The following PRKG1 variants were observed in gnomAD, a reference collection of about 807,000 sequenced individuals.
The protein encoded by PRKG1 is protein kinase cGMP-dependent 1, also known as cGMP-dependent protein kinase 1.
In PRKG1, 35 loss-of-function variants were observed where a neutral mutation model predicts 88.1. The ratio of observed to expected loss-of-function variants is 0.40; its 90% CI spans 0.30 to 0.53. The LOEUF (loss-of-function observed/expected upper bound fraction) is 0.53. Among genes scored for constraint, PRKG1 ranks in the 20% least tolerant of loss-of-function variants. The pLI is 0.59. For synonymous variants in PRKG1, 303 were observed against 292.5 expected (o/e 1.04, Z -0.37); for missense variants, 540 against 839.8 (o/e 0.64, Z 4.41).
chr10:52,026,660 A>G (rs1296169659), intron 5 of PRKG1, among the ~76,000 whole-genome samples: 1 of 152,228 alleles, frequency 6.6e-6, no homozygotes, highest in East Asian at 1.9e-4. Context: ...CTGTTAAGAT[A>G]CTAAAAATCT....
intron 1 of PRKG1, among the ~76,000 whole-genome samples, chr10:51,047,559 A>C (rs1319627992): frequency 6.6e-6 from 1 of 151,730 alleles, no homozygotes; most frequent in Non-Finnish European, 1.5e-5. Context: ...TTTGAAAAAA[A>C]TTGAGTAGTA....
chr10:51,565,097 G>A (rs1477970519), intron 3 of PRKG1, among the ~76,000 whole-genome samples: 2 of 152,038 alleles, frequency 1.3e-5, no homozygotes, highest in Non-Finnish European at 2.9e-5. Flanking sequence ...TGCAAAATAA[G>A]CGTTGATAAT....
At chr10:51,158,741 A>G (rs1846281435) in intron 2 of PRKG1, among the ~76,000 whole-genome samples, 1 of 151,998 alleles carries the variant, frequency 6.6e-6, no homozygotes, top group South Asian at 2.1e-4. Flanking sequence ...AAATTCCACC[A>G]TGTACCTTGG....
chr10:52,054,533 A>G lies in PRKG1; in HGVS notation c.812A>G (p.Asp271Gly). The G allele has an allele frequency of 6.2e-7, 1 of 1,613,846 alleles. No homozygotes were observed. The highest frequency in any genetic ancestry group is 8.5e-7 in the Non-Finnish European group (1 of 1,179,904). Residue 271 changes from aspartate to glycine, a missense_variant, in exon 6 of 18, where the codon GAC (aspartate) becomes GGC (glycine). Coordinates refer to ENST00000373980, the MANE Select transcript of PRKG1 (RefSeq NM_006258.4). Reference sequence around the variant, plus strand: ...ATTATCAGGCAAGGTGCAAGAGGGGACACCTTCTTTATCATCAGCAAAGGA... The same window carrying G: ...ATTATCAGGCAAGGTGCAAGAGGGGGCACCTTCTTTATCATCAGCAAAGGA... ...EYIIRQGARG[D>G]TFFIISKGTV...
intron 1 of PRKG1, among the ~76,000 whole-genome samples, chr10:51,088,302 T>C (rs1464765301): frequency 1.3e-5 from 2 of 152,108 alleles, no homozygotes; most frequent in Non-Finnish European, 2.9e-5. Context: ...TAAATATTAA[T>C]GTCTTTAATA....
At chr10:51,373,706 T>C (rs914890971) in intron 2 of PRKG1, among the ~76,000 whole-genome samples, 1 of 152,144 alleles carries the variant, frequency 6.6e-6, no homozygotes, top group African/African-American at 2.4e-5. Context: ...CACAGAATAC[T>C]ATGCAGCCAT....
At chr10:51,075,599 A>G (rs926870098) in intron 1 of PRKG1, among the ~76,000 whole-genome samples, 1 of 152,272 alleles carries the variant, frequency 6.6e-6, no homozygotes, top group Admixed American at 6.5e-5. Flanking sequence ...GCATAATGTT[A>G]CTAATGGAGC....
chr10:51,430,034 G>A (rs538632789), intron 2 of PRKG1, among the ~76,000 whole-genome samples: 1 of 151,692 alleles, frequency 6.6e-6, no homozygotes, highest in Admixed American at 6.6e-5. Flanking sequence ...CAAACTCAGA[G>A]TGGAATAGAC....
chr10:51,620,357 G>A (rs1171341890), intron 3 of PRKG1, among the ~76,000 whole-genome samples: 1 of 151,556 alleles, frequency 6.6e-6, no homozygotes, highest in Non-Finnish European at 1.5e-5. Flanking sequence ...TGGTCATTTG[G>A]CTCTCTATTC....
chr10:51,589,577 C>T (rs1314283075), intron 3 of PRKG1, among the ~76,000 whole-genome samples: 2 of 152,080 alleles, frequency 1.3e-5, no homozygotes, highest in African/African-American at 2.4e-5. Flanking sequence ...GAGCCCAGAT[C>T]GTGCCACTGC....
intron 9 of PRKG1, among the ~76,000 whole-genome samples, chr10:52,188,210 ATG>A (rs1321327343): frequency 1.8e-5 from 1 of 56,858 alleles, no homozygotes; most frequent in African/African-American, 6.2e-5. Context: ...GTATATATAT[ATG>A]TGTATATATA....
intron 1 of PRKG1, among the ~76,000 whole-genome samples, chr10:51,077,000 T>C (rs1843969980): frequency 6.6e-6 from 1 of 152,192 alleles, no homozygotes; most frequent in African/African-American, 2.4e-5. Flanking sequence ...TAAATAATTT[T>C]GGAAAAACAT....
chr10:52,209,978 T>C (rs568662473), intron 9 of PRKG1, among the ~76,000 whole-genome samples: 1 of 152,320 alleles, frequency 6.6e-6, no homozygotes, highest in South Asian at 2.1e-4. Context: ...CTAGCTGCAA[T>C]CTTAGCCAAG....
intron 3 of PRKG1, among the ~76,000 whole-genome samples, chr10:51,669,354 G>A (rs770373048): frequency 6.6e-5 from 10 of 152,118 alleles, no homozygotes; most frequent in Non-Finnish European, 1.5e-4. Context: ...GGACACCAGC[G>A]CTAATGGATC....
chr10:52,189,752 A>G (rs1910550), intron 9 of PRKG1, among the ~76,000 whole-genome samples: 30,674 of 152,070 alleles, frequency 0.2, 4,214 homozygotes, highest in African/African-American at 0.39. Flanking sequence ...CCAGTTATCA[A>G]ATTAGTTGAT....
intron 1 of PRKG1, among the ~76,000 whole-genome samples, chr10:51,132,179 C>G (rs1274340262): frequency 6.6e-6 from 1 of 152,116 alleles, no homozygotes; most frequent in Non-Finnish European, 1.5e-5. Flanking sequence ...TAATCAAGGA[C>G]AGACTCTCCA....
chr10:52,293,719 T>C (rs1444400982), intron 17 of PRKG1, 83 bp from the exon 18 acceptor site: 7 of 1,098,620 alleles, frequency 6.4e-6, no homozygotes, highest in Non-Finnish European at 9.6e-6. Flanking sequence ...TAATAGGGAA[T>C]AAATACAGAA....
rs552780354 is a variant in PRKG1, at chr10:51,822,118, T to C, written c.698+17428T>C. 1.8e-4 allele frequency among the ~76,000 whole-genome samples: 27 copies of C among 151,982 alleles called. No individual in the cohort carries two copies. The East Asian group carries it at 4.3e-3, about 24-fold the overall frequency. ...ATACACACATATATATATACACACATATATATAACATATGTATGTATGTCA... is the reference window on the plus strand; with the variant it reads ...ATACACACATATATATATACACACACATATATAACATATGTATGTATGTCA... On this transcript the variant is annotated intron_variant, in intron 4 of 17. Coordinates refer to ENST00000373980, the MANE Select transcript of PRKG1 (RefSeq NM_006258.4).
chr10:51,061,060 G>GGGGTGTGTGTGTGTGTGT (rs1491449534), intron 1 of PRKG1, among the ~76,000 whole-genome samples: 26 of 147,158 alleles, frequency 1.8e-4, no homozygotes, highest in African/African-American at 5.9e-4. Flanking sequence ...TATACCTAGG[G>GGGGTGTGTGTGTGTGTGT]GTGTGTGTGT....
Sources: allele counts gnomAD v4.1 joint callset (sites outside exome capture counted in the v4.1 genomes callset), GRCh38; gene constraint gnomAD v4.1.1; transcripts MANE v1.5; gene names NCBI Gene and HGNC (gene_info 2026-07-23, HGNC 2026-07-21).